Variants in PRKCH observed in about 807,000 individuals in gnomAD.
PRKCH encodes the protein protein kinase C eta.
In PRKCH, 28 loss-of-function variants were observed where a neutral mutation model predicts 82.5. That is an observed-to-expected ratio of 0.34 (90% CI 0.25 to 0.47). The LOEUF (loss-of-function observed/expected upper bound fraction) is 0.47. PRKCH is among the 20% of genes least tolerant of loss of function. The pLI, the probability that PRKCH is intolerant of heterozygous loss-of-function variation, is 1.00. For missense variants in PRKCH, 705 were observed against 881.8 expected (o/e 0.80, Z 2.54); for synonymous variants, 322 against 327.4 (o/e 0.98, Z 0.18).
intron 9 of PRKCH, among the ~76,000 whole-genome samples, chr14:61,475,102 A>C (rs1002164900): frequency 2.0e-5 from 3 of 152,258 alleles, no homozygotes; most frequent in African/African-American, 7.2e-5. Flanking sequence ...TTAAAAGTTT[A>C]CACAGTTTAG....
intron 1 of PRKCH, among the ~76,000 whole-genome samples, chr14:61,333,297 A>G (rs1460227130): frequency 6.6e-6 from 1 of 152,136 alleles, no homozygotes; most frequent in Non-Finnish European, 1.5e-5. Flanking sequence ...GTGCATATTG[A>G]TGATATTCTG....
At chr14:61,282,651 T>C (rs1457895713) in intron 1 of PRKCH, among the ~76,000 whole-genome samples, 2 of 152,188 alleles carry the variant, frequency 1.3e-5, no homozygotes, top group Non-Finnish European at 2.9e-5. Context: ...CAATAATAGC[T>C]ATGAATCATA....
At chr14:61,276,544 C>T (rs1473242628) in intron 1 of PRKCH, among the ~76,000 whole-genome samples, 6 of 151,732 alleles carry the variant, frequency 4.0e-5, no homozygotes, top group Non-Finnish European at 8.8e-5. Context: ...TTATTAGAGG[C>T]GGGGTTTCAC....
chr14:61,481,423 C>T (rs979157647), intron 9 of PRKCH, among the ~76,000 whole-genome samples: 1 of 152,182 alleles, frequency 6.6e-6, no homozygotes, highest in Non-Finnish European at 1.5e-5. Context: ...TGGGTGGTTA[C>T]TCGTGTCCCT....
chr14:61,382,048 C>G (rs139025276), intron 1 of PRKCH, among the ~76,000 whole-genome samples: 1 of 152,208 alleles, frequency 6.6e-6, no homozygotes, highest in South Asian at 2.1e-4. Flanking sequence ...TAGTACTTCA[C>G]TCTGCAAGCG....
At chr14:61,249,436 TA>T (rs35366221) in intron 1 of PRKCH, among the ~76,000 whole-genome samples, 1 of 144,280 alleles carries the variant, frequency 6.9e-6, no homozygotes, top group South Asian at 2.2e-4. Context: ...CACATATACT[TA>T]AAAAAACATT....
At chr14:61,362,157 C>T (rs1008233150) in intron 1 of PRKCH, among the ~76,000 whole-genome samples, 2 of 151,790 alleles carry the variant, frequency 1.3e-5, no homozygotes, top group Non-Finnish European at 2.9e-5. Flanking sequence ...GTCATCATAG[C>T]GATATTTCAT....
chr14:61,321,535 C>A (rs2045622157), upstream of PRKCH, among the ~76,000 whole-genome samples: 1 of 152,174 alleles, frequency 6.6e-6, no homozygotes, highest in Non-Finnish European at 1.5e-5. This position sits in a 1 kb window ranked among gnomAD's most constrained non-coding sequence, Gnocchi z 4.1. Flanking sequence ...CCGCGGGCCA[C>A]GCCCCTGGGG....
At chr14:61,425,235 C>A (rs1229286939) in intron 2 of PRKCH, among the ~76,000 whole-genome samples, 2 of 152,176 alleles carry the variant, frequency 1.3e-5, no homozygotes, top group Non-Finnish European at 2.9e-5. Context: ...CAGACCCCAG[C>A]AGATGGTAAA....
At chr14:61,481,431 C>G (rs537976913) in intron 9 of PRKCH, among the ~76,000 whole-genome samples, 2 of 152,228 alleles carry the variant, frequency 1.3e-5, no homozygotes, top group South Asian at 4.1e-4. Context: ...TACTCGTGTC[C>G]CTTAATAATG....
At chr14:61,547,972 C>G in intron 13 of PRKCH, 86 bp downstream of exon 13, 1 of 1,534,290 alleles carries the variant, frequency 6.5e-7, no homozygotes, top group Non-Finnish European at 8.8e-7. Context: ...CTGGATGGCC[C>G]CTGTGGGTGA....
chr14:61,282,932 A>C (rs1312270453), intron 1 of PRKCH, among the ~76,000 whole-genome samples: 2 of 152,064 alleles, frequency 1.3e-5, no homozygotes, highest in Non-Finnish European at 2.9e-5. Flanking sequence ...AAGAATAAAT[A>C]GTTCTTTGTA....
chr14:61,203,622 G>A lies in PRKCH; in HGVS notation c.-19+15954G>A, dbSNP rs2044499752. ...TCTTGTGGAGACAGCTCAGAGTGAG[G>A]TTGGGAGATACTTTTCTAGGAAGTG... On this transcript the variant is annotated intron_variant, in intron 1 of 3. Coordinates refer to the PRKCH transcript ENST00000555185. Among the ~76,000 whole-genome samples the A allele has an allele frequency of 2.6e-5, 4 of 152,124 alleles. No homozygotes were observed. In the South Asian group the frequency reaches 8.3e-4, roughly 32 times the overall value.
chr14:61,280,679 G>A lies in PRKCH; in HGVS notation c.-19+93011G>A. On this transcript the variant is annotated intron_variant, in intron 1 of 3. Coordinates refer to the PRKCH transcript ENST00000555185. This position sits in a 1 kb window ranked among gnomAD's most constrained non-coding sequence, Gnocchi z 5.0. ...ATGGCGCCGCAGGGCGCGATGGGCA[G>A]GCCGGCCGCGCTGCGCTGGTAGGGG... 6.4e-7 allele frequency: 1 copy of A among 1,574,378 alleles called. No individual in the cohort carries two copies. Among genetic ancestry groups the A allele is most frequent in the Non-Finnish European group, 8.6e-7 (1 of 1,162,144 alleles).
intron 1 of PRKCH, among the ~76,000 whole-genome samples, chr14:61,331,053 G>A (rs1209351709): frequency 6.6e-6 from 1 of 152,158 alleles, no homozygotes; most frequent in Non-Finnish European, 1.5e-5. Context: ...TGCAGCCTAT[G>A]GGCTGTGGGT....
At chr14:61,386,063 A>T (rs1489076560) in intron 1 of PRKCH, among the ~76,000 whole-genome samples, 1 of 152,252 alleles carries the variant, frequency 6.6e-6, no homozygotes, top group Non-Finnish European at 1.5e-5. Context: ...TGTAATTTTC[A>T]TAATTTTGAC....
chr14:61,196,248 A>C (rs2140035534), intron 1 of PRKCH, among the ~76,000 whole-genome samples: 1 of 152,334 alleles, frequency 6.6e-6, no homozygotes, highest in Middle Eastern at 3.4e-3. Context: ...TAAGAAGCAA[A>C]GCCATCTGAG....
intron 1 of PRKCH, chr14:61,187,691 A>C (rs2044373954): frequency 6.6e-6 from 1 of 152,302 alleles, no homozygotes; most frequent in Admixed American, 6.5e-5. Context: ...TTGAGTGCAC[A>C]AAAAGAAAAA....
chr14:61,402,332 A>G (rs1316031701), intron 2 of PRKCH, among the ~76,000 whole-genome samples: 4 of 152,256 alleles, frequency 2.6e-5, no homozygotes, highest in Non-Finnish European at 5.9e-5. Context: ...CCAACTTTTG[A>G]GAAACTACGC....
Sources: gnomAD v4.1 joint callset for allele counts (sites outside exome capture counted in the v4.1 genomes callset) on GRCh38, gnomAD v4.1.1 for gene constraint, Gnocchi (gnomAD v3.1) non-coding constraint, MANE v1.5 for transcripts, NCBI Gene and HGNC (gene_info 2026-07-23, HGNC 2026-07-21) for gene names.